METTL22: variants seen among roughly 807,000 people sequenced by gnomAD.
METTL22 encodes the protein methyltransferase 22, Kin17 lysine.
A neutral mutation model predicts 48.4 loss-of-function variants in METTL22; 51 were observed. That is an observed-to-expected ratio of 1.05 (90% confidence interval 0.84 to 1.33). The LOEUF is 1.33. Ranked by LOEUF, METTL22 falls within the 40% of genes most tolerant of loss-of-function variation. The probability of loss-of-function intolerance (pLI) is 0.00; values close to 1 mark genes in which losing one functional copy is unlikely to be tolerated. For synonymous variants in METTL22, 255 were observed against 214.1 expected, an observed-to-expected ratio of 1.19 and a Z score of -1.67; for missense variants, 678 against 526.9, an observed-to-expected ratio of 1.29 and a Z score of -2.81.
At chr16:8,638,680 G>T (rs2056497955) in intron 5 of METTL22, among the ~76,000 whole-genome samples, 1 of 152,164 alleles carries the variant, frequency 6.6e-6, no homozygotes. Flanking sequence ...GAAAAACCTG[G>T]ATCAAATCCC....
In METTL22 at chr16:8,642,111, TTTTG is replaced by T. The variant is rs1169167440; in HGVS notation, c.827-13_827-10del. 1 of 1,601,704 alleles carries T rather than the reference TTTTG, an allele frequency of 6.2e-7. No individual in the cohort carries two copies. Among genetic ancestry groups the T allele is most frequent in the African/African-American group, 1.3e-5 (1 of 74,698 alleles). On this transcript the variant is annotated splice_polypyrimidine_tract_variant and intron_variant, in intron 7 of 10. Coordinates refer to ENST00000381920, the MANE Select transcript of METTL22 (RefSeq NM_024109.4). The stretch of plus-strand genomic sequence containing the variant: ...AGAAGGCAATGGGCACAAAGTGTGC[TTTTG>T]TTCTTTCTTAGATCCCAAGGTCCCC...
chr16:8,622,219 G>A (rs188340612), intron 1 of METTL22, among the ~76,000 whole-genome samples: 54 of 152,300 alleles, frequency 3.5e-4, no homozygotes, highest in African/African-American at 1.3e-3. Flanking sequence ...CCCAGCTCCT[G>A]GCCTAAATCG....
intron 7 of METTL22, chr16:8,641,830 G>C (rs896468115): frequency 1.9e-6 from 1 of 521,948 alleles, no homozygotes; most frequent in African/African-American, 1.9e-5. Context: ...AGGCAGAAGG[G>C]GGAGATCATG....
chr16:8,625,027 A>T lies in METTL22; in HGVS notation c.-170-469A>T, dbSNP rs200109955. 8.5e-4 allele frequency among the ~76,000 whole-genome samples: 94 copies of T among 111,006 alleles called. 1 individual carries two copies. The highest frequency in any genetic ancestry group is 4.0e-3 in the African/African-American group (92 of 22,762). 72.8% of individuals were successfully genotyped at this position (111,006 alleles called of 152,430 possible). ...GTGATTGGATACTGGTTTCTGGGGGAAAAAAAACCTCAAAGACCTTTGGGA... is the reference window on the plus strand; with the variant it reads ...GTGATTGGATACTGGTTTCTGGGGGTAAAAAAACCTCAAAGACCTTTGGGA... On this transcript the variant is annotated intron_variant, in intron 1 of 10. Coordinates refer to ENST00000381920, the MANE Select transcript of METTL22 (RefSeq NM_024109.4).
chr16:8,646,967 T>A lies in METTL22; in HGVS notation c.*824T>A. The A allele has an allele frequency of 3.0e-6, 1 of 332,934 alleles. No homozygotes were observed. The highest frequency in any genetic ancestry group is 2.4e-5 in the South Asian group (1 of 41,474). The allele number at this position is 332,934 out of a possible 1,614,324, so 20.6% of individuals were successfully genotyped here. A position where few individuals can be genotyped will look rare whatever the true frequency, so the allele number is the denominator to read the frequency against. On this transcript the variant is annotated 3_prime_UTR_variant, in exon 11 of 11. Transcript: ENST00000381920. ...CCTCTATGTCCCACTGTCTCTCTCC[T>A]TCTCTCCAGTTTTGGTCCCATCTTC...
chr16:8,660,891 AGG>A, the METTL22 span, among the ~76,000 whole-genome samples: 60 of 131,542 alleles, frequency 4.6e-4, no homozygotes, highest in African/African-American at 1.6e-3. Flanking sequence ...GAGGAGGAGG[AGG>A]AGGAGGAGGA....
the METTL22 span, among the ~76,000 whole-genome samples, chr16:8,665,080 C>G: frequency 6.6e-6 from 1 of 152,010 alleles, no homozygotes; most frequent in Non-Finnish European, 1.5e-5. Context: ...CCACGGTATC[C>G]TCTAAGGAGT....
rs182378756 is a variant in METTL22, at chr16:8,646,409, G to T, written c.*266G>T. 7.4e-6 allele frequency: 5 copies of T among 674,038 alleles called. No individual in the cohort carries two copies. Among genetic ancestry groups the T allele is most frequent in the Non-Finnish European group, 1.4e-5 (5 of 367,390 alleles). 41.8% of individuals were successfully genotyped at this position (674,038 alleles called of 1,614,324 possible). A position where few individuals can be genotyped will look rare whatever the true frequency, so the allele number is the denominator to read the frequency against. On this transcript the variant is annotated 3_prime_UTR_variant, in exon 11 of 11. Coordinates refer to ENST00000381920, the MANE Select transcript of METTL22 (RefSeq NM_024109.4). ...GTGCTCCAGGGTCAAGCCGAGCCAC[G>T]TTCCTTCTCAGCTCAGTTCCACCCA...
intron 2 of METTL22, among the ~76,000 whole-genome samples, chr16:8,628,158 G>A (rs2056125804): frequency 6.6e-6 from 1 of 152,206 alleles, no homozygotes; most frequent in Non-Finnish European, 1.5e-5. Flanking sequence ...AACACAGCCT[G>A]TAATTATCTT....
In METTL22 at chr16:8,639,180, T is replaced by G. The variant is rs2056515853; in HGVS notation, c.772+18T>G. 3 of 1,613,424 alleles carry G rather than the reference T, an allele frequency of 1.9e-6. No individual in the cohort carries two copies. The Admixed American group carries it at 5.0e-5, about 27-fold the overall frequency. ...CACTGGAGGTGAGGCCCAGGGGGTC[T>G]TCTGCCAGGGAGGGAGGTTTCTCTG... On this transcript the variant is annotated intron_variant, in intron 6 of 10. Coordinates refer to ENST00000381920, the MANE Select transcript of METTL22 (RefSeq NM_024109.4).
intron 2 of METTL22, among the ~76,000 whole-genome samples, chr16:8,627,427 C>T (rs1252078583): frequency 1.3e-5 from 2 of 152,094 alleles, no homozygotes; most frequent in East Asian, 1.9e-4. Flanking sequence ...GCTTTCCTCC[C>T]CTCCTGGCTC....
At chr16:8,652,539 C>T (rs939282773), downstream of METTL22, among the ~76,000 whole-genome samples, 11 of 149,658 alleles carry the variant, frequency 7.4e-5, no homozygotes, top group African/African-American at 2.7e-4. Context: ...TCATGTGTGG[C>T]CAGGTGCAGT....
In METTL22 at chr16:8,625,664, C is replaced by A. The variant is rs767368381; in HGVS notation, c.-2C>A. The stretch of plus-strand genomic sequence containing the variant: ...TCCTAGGACTAAGGTGGAGCCTGGG[C>A]CATGGTACAGCTGGCTCCTGCGGCA... On this transcript the variant is annotated 5_prime_UTR_variant, in exon 2 of 11. Transcript: ENST00000381920. The A allele has an allele frequency of 1.9e-6, 3 of 1,614,032 alleles. No homozygotes were observed. The highest frequency in any genetic ancestry group is 2.2e-5 in the South Asian group (2 of 91,088).
chr16:8,624,375 T>A (rs559136569), intron 1 of METTL22, among the ~76,000 whole-genome samples: 1,917 of 152,074 alleles, frequency 0.013, 35 homozygotes, highest in African/African-American at 0.044. Flanking sequence ...TTTTTTTTTT[T>A]TTTTAATTTC....
chr16:8,630,235 A>G (rs536632921), intron 3 of METTL22, among the ~76,000 whole-genome samples: 6 of 152,282 alleles, frequency 3.9e-5, no homozygotes, highest in African/African-American at 1.2e-4. Context: ...GGTGGTACCA[A>G]GCAGCCTCTG....
chr16:8,626,479 C>T (rs58313386), intron 2 of METTL22, among the ~76,000 whole-genome samples: 7,744 of 144,790 alleles, frequency 0.053, 754 homozygotes, highest in African/African-American at 0.19. Context: ...GACGGAAGCT[C>T]GCTCTGTCAC....
intron 5 of METTL22, among the ~76,000 whole-genome samples, 195 bp downstream of exon 5, chr16:8,635,507 C>G (rs1426177479): frequency 6.6e-6 from 1 of 152,228 alleles, no homozygotes; most frequent in Non-Finnish European, 1.5e-5. Context: ...ACCCACTCAG[C>G]AGCAGCAGCG....
chr16:8,642,407 G>A (rs2241102), intron 8 of METTL22, 56 bp from the exon 9 acceptor site: 173,415 of 1,552,052 alleles, frequency 0.11, 10,387 homozygotes, highest in Admixed American at 0.17. Flanking sequence ...CTGAAAAGTC[G>A]ATTTCTGTAA....
the METTL22 span, among the ~76,000 whole-genome samples, chr16:8,660,726 T>C: frequency 1.3e-5 from 2 of 148,718 alleles, no homozygotes; most frequent in Non-Finnish European, 3.0e-5. Context: ...AGAGTGTGAA[T>C]GAGGGCGGTC....
Sources: allele counts gnomAD v4.1 joint callset (sites outside exome capture counted in the v4.1 genomes callset), GRCh38; gene constraint gnomAD v4.1.1; transcripts MANE v1.5; gene names NCBI Gene and HGNC (gene_info 2026-07-23, HGNC 2026-07-21).